GATAD2B: variants seen among roughly 807,000 people sequenced by gnomAD.
GATAD2B encodes the protein GATA zinc finger domain containing 2B, also known as transcriptional repressor p66-beta.
In GATAD2B, 8 loss-of-function variants were observed where a neutral mutation model predicts 64.3. That is an observed-to-expected ratio of 0.12 (90% CI 0.07 to 0.22). The LOEUF (loss-of-function observed/expected upper bound fraction) is 0.22. Ranked by LOEUF, GATAD2B falls within the 10% of genes least tolerant of loss-of-function variation. The pLI is 1.00. For synonymous variants in GATAD2B, 281 were observed against 271.3 expected, an observed-to-expected ratio of 1.04 and a Z score of -0.35; for missense variants, 453 against 752.0, an observed-to-expected ratio of 0.60 and a Z score of 4.65.
chr1:153,822,613 G>C (rs918021275), intron 2 of GATAD2B, among the ~76,000 whole-genome samples: 1 of 152,022 alleles, frequency 6.6e-6, no homozygotes, highest in Non-Finnish European at 1.5e-5. Flanking sequence ...AGGTTTAAGT[G>C]ATTCTCCTGC....
At position 153,809,323 on chromosome 1, in the gene GATAD2B, T is replaced by C. The variant is rs918997570; in HGVS notation, c.*854A>G. On this transcript the variant is annotated 3_prime_UTR_variant, in exon 11 of 11. Transcript: ENST00000368655. ...GTTCCCAATGGGGTCAGGAGATCGG[T>C]CTTATTTCCCCAAGATACAGAAAGG... 6.6e-6 allele frequency: 1 copy of C among 152,124 alleles called. No individual in the cohort carries two copies. The highest frequency in any genetic ancestry group is 1.5e-5 in the Non-Finnish European group (1 of 68,026). 9.4% of individuals were successfully genotyped at this position (152,124 alleles called of 1,614,324 possible).
chr1:153,824,971 A>G (rs1182939917), intron 2 of GATAD2B, among the ~76,000 whole-genome samples: 1 of 152,126 alleles, frequency 6.6e-6, no homozygotes, highest in East Asian at 1.9e-4. Flanking sequence ...CTATAGTCCC[A>G]GCTACTTGGG....
At chr1:153,815,321 C>A (rs1448589010) in intron 7 of GATAD2B, among the ~76,000 whole-genome samples, 1 of 144,300 alleles carries the variant, frequency 6.9e-6, no homozygotes, top group African/African-American at 2.5e-5. Context: ...AAGAGAAGTT[C>A]TATTTATCAA....
chr1:153,855,684 T>C, intron 1 of GATAD2B, among the ~76,000 whole-genome samples: 1 of 150,670 alleles, frequency 6.6e-6, no homozygotes, highest in East Asian at 1.9e-4. Flanking sequence ...ATTTTATATA[T>C]TTTTTTTTTA....
At chr1:153,820,482 G>A (rs9427232) in intron 2 of GATAD2B, among the ~76,000 whole-genome samples, 62,303 of 152,000 alleles carry the variant, frequency 0.41, 13,889 homozygotes, top group Non-Finnish European at 0.52. Context: ...CAAGAATTCC[G>A]GAAACTCTAA....
chr1:153,863,162 G>A (rs1481674565), intron 1 of GATAD2B, among the ~76,000 whole-genome samples: 1 of 152,130 alleles, frequency 6.6e-6, no homozygotes, highest in East Asian at 1.9e-4. Context: ...CTGTAAGAAT[G>A]ACTGCTCCAA....
intron 1 of GATAD2B, among the ~76,000 whole-genome samples, chr1:153,913,118 G>A (rs1678156077): frequency 6.6e-6 from 1 of 151,958 alleles, no homozygotes; most frequent in African/African-American, 2.4e-5. Flanking sequence ...AGTAGAGACA[G>A]GGTTTCACCA....
chr1:153,865,518 C>G (rs997022838), intron 1 of GATAD2B, among the ~76,000 whole-genome samples: 2 of 152,182 alleles, frequency 1.3e-5, no homozygotes, highest in African/African-American at 4.8e-5. Flanking sequence ...GGACACTCCC[C>G]TTCTACCACA....
At chr1:153,846,716 A>G (rs1275719563) in intron 1 of GATAD2B, among the ~76,000 whole-genome samples, 1 of 148,610 alleles carries the variant, frequency 6.7e-6, no homozygotes, top group East Asian at 2.0e-4. Context: ...ATCCGCCACC[A>G]CTCCTGGCTA....
At chr1:153,922,406 T>C (rs1312679922) in intron 1 of GATAD2B, among the ~76,000 whole-genome samples, 1 of 142,056 alleles carries the variant, frequency 7.0e-6, no homozygotes, top group Non-Finnish European at 1.5e-5. Flanking sequence ...GGAGAAAGAG[T>C]ACAAGGAGAC....
intron 1 of GATAD2B, among the ~76,000 whole-genome samples, chr1:153,865,844 G>A (rs753639451): frequency 5.3e-5 from 8 of 152,060 alleles, no homozygotes; most frequent in Non-Finnish European, 1.0e-4. Flanking sequence ...CGGTCTCAAC[G>A]GGGTGCAGTG....
intron 1 of GATAD2B, chr1:153,853,254 C>T: frequency 6.9e-6 from 7 of 1,016,426 alleles, no homozygotes; most frequent in Admixed American, 3.4e-5. Flanking sequence ...ATGGTCTTCA[C>T]ACCCTTCCCT....
chr1:153,816,857 G>C lies in GATAD2B; in HGVS notation c.901-269C>G, dbSNP rs370872210. ...TCAGCACTTTGGGAGGCCGAGGTAGGCAGATCACTTGAGGTGAGGAGTTTG... is the reference window on the plus strand; with the variant it reads ...TCAGCACTTTGGGAGGCCGAGGTAGCCAGATCACTTGAGGTGAGGAGTTTG... On this transcript the variant is annotated intron_variant, in intron 6 of 10. Transcript: ENST00000368655. This position sits in a 1 kb window ranked among gnomAD's most constrained non-coding sequence, Gnocchi z 4.9. Among the ~76,000 whole-genome samples, 2 of 152,218 alleles carry C rather than the reference G, an allele frequency of 1.3e-5. No homozygotes were observed. The highest frequency in any genetic ancestry group is 4.8e-5 in the African/African-American group (2 of 41,458).
At chr1:153,881,786 TGTGTGTGTGTGTGTGGAGGGTC>T (rs1296354488) in intron 1 of GATAD2B, among the ~76,000 whole-genome samples, 1 of 151,260 alleles carries the variant, frequency 6.6e-6, no homozygotes. Flanking sequence ...TTTTTTCGTG[TGTGTGTGTGTGTGTGGAGGGTC>T]GTGTGTGTGT....
chr1:153,891,445 T>C (rs1288347532), intron 1 of GATAD2B, among the ~76,000 whole-genome samples: 1 of 150,224 alleles, frequency 6.7e-6, no homozygotes, highest in African/African-American at 2.4e-5. Flanking sequence ...GGCGGGCACC[T>C]GTAAATCCCA....
At chr1:153,891,209 A>AGAAAGGAAAGGAAAAAGGGAAGG (rs924538146) in intron 1 of GATAD2B, among the ~76,000 whole-genome samples, 3 of 151,328 alleles carry the variant, frequency 2.0e-5, no homozygotes, top group African/African-American at 4.9e-5. Flanking sequence ...AAAAAGGAAA[A>AGAAAGGAAAGGAAAAAGGGAAGG]GAAAGGAAAG....
chr1:153,859,663 C>T (rs1203368160), intron 1 of GATAD2B, among the ~76,000 whole-genome samples: 1 of 148,144 alleles, frequency 6.8e-6, no homozygotes, highest in East Asian at 2.0e-4. Flanking sequence ...GAGTGAGACT[C>T]CATCTCAAAA....
rs745524315 is a variant in GATAD2B, at chr1:153,810,330, G to A, written c.1649-20C>T. On this transcript the variant is annotated intron_variant, in intron 10 of 10. Coordinates refer to ENST00000368655, the MANE Select transcript of GATAD2B (RefSeq NM_020699.4). ...TGACACCTGGACCCAGGAGACAAAA[G>A]TGGAGGGCAGGTATTAAAAGAGGAA... The A allele has an allele frequency of 6.2e-7, 1 of 1,610,302 alleles. No homozygotes were observed. The highest frequency in any genetic ancestry group is 8.5e-7 in the Non-Finnish European group (1 of 1,178,394).
chr1:153,903,940 C>T (rs1402912411), intron 1 of GATAD2B, among the ~76,000 whole-genome samples: 1 of 152,134 alleles, frequency 6.6e-6, no homozygotes, highest in Non-Finnish European at 1.5e-5. Context: ...GCCGTGACTG[C>T]ACCACTGCAC....
Sources: gnomAD v4.1 joint callset for allele counts (sites outside exome capture counted in the v4.1 genomes callset) on GRCh38, gnomAD v4.1.1 for gene constraint, Gnocchi (gnomAD v3.1) non-coding constraint, MANE v1.5 for transcripts, NCBI Gene and HGNC (gene_info 2026-07-23, HGNC 2026-07-21) for gene names.